POFUT3: variants seen among roughly 807,000 people sequenced by gnomAD.
POFUT3 encodes the protein protein O-fucosyltransferase 3, also known as GDP-fucose protein O-fucosyltransferase 3.
At chr8:33,401,411 C>A in the POFUT3 span, among the ~76,000 whole-genome samples, 40,824 of 151,968 alleles carry the variant, frequency 0.27, 5,738 homozygotes, top group East Asian at 0.47. Flanking sequence ...GGCATTCATA[C>A]TACACCACTG....
the POFUT3 span, among the ~76,000 whole-genome samples, chr8:33,395,533 C>A: frequency 6.6e-6 from 1 of 151,970 alleles, no homozygotes; most frequent in African/African-American, 2.4e-5. Flanking sequence ...GCTCCCCATC[C>A]CACTGAGAGC....
At chr8:33,363,228 A>G in the POFUT3 span, among the ~76,000 whole-genome samples, 1 of 152,252 alleles carries the variant, frequency 6.6e-6, no homozygotes, top group African/African-American at 2.4e-5. Flanking sequence ...CAATGAGAAC[A>G]AAGACACAAC....
At chr8:33,353,509 G>T in the POFUT3 span, among the ~76,000 whole-genome samples, 32 of 152,242 alleles carry the variant, frequency 2.1e-4, no homozygotes, top group African/African-American at 7.7e-4. Context: ...TGCCAAAACA[G>T]ATTCTTTCTC....
the POFUT3 span, among the ~76,000 whole-genome samples, chr8:33,423,809 C>T: frequency 2.9e-5 from 3 of 104,962 alleles, no homozygotes; most frequent in Admixed American, 4.5e-4. Flanking sequence ...TCTCTTTAGG[C>T]ACACCAAGTA....
the POFUT3 span, among the ~76,000 whole-genome samples, chr8:33,341,252 T>C: frequency 6.6e-6 from 1 of 151,780 alleles, no homozygotes; most frequent in Non-Finnish European, 1.5e-5. Context: ...CTAGCCAACA[T>C]AGTGAAACCC....
chr8:33,404,351 AAG>A, the POFUT3 span, among the ~76,000 whole-genome samples: 2,055 of 149,496 alleles, frequency 0.014, 58 homozygotes, highest in African/African-American at 0.048. Flanking sequence ...AAAAAAAAAA[AAG>A]AAAAAGAAAA....
At chr8:33,419,647 A>G in the POFUT3 span, among the ~76,000 whole-genome samples, 1 of 152,178 alleles carries the variant, frequency 6.6e-6, no homozygotes, top group African/African-American at 2.4e-5. Flanking sequence ...TATACATTCT[A>G]TGCATGTAAC....
At chr8:33,340,020 A>G in the POFUT3 span, among the ~76,000 whole-genome samples, 1 of 152,186 alleles carries the variant, frequency 6.6e-6, no homozygotes, top group Non-Finnish European at 1.5e-5. Flanking sequence ...TATTAGTTGA[A>G]GCACATATTA....
chr8:33,308,906 G>C, the POFUT3 span, among the ~76,000 whole-genome samples: 64,383 of 148,106 alleles, frequency 0.43, 15,697 homozygotes, highest in East Asian at 0.8. Context: ...GTGGTGAATC[G>C]TCCATAGTCT....
the POFUT3 span, chr8:33,389,388 C>T: frequency 6.2e-7 from 1 of 1,614,174 alleles, no homozygotes; most frequent in East Asian, 2.2e-5. Context: ...CCATCGGCAT[C>T]CATAGAGGCT....
the POFUT3 span, among the ~76,000 whole-genome samples, chr8:33,382,012 G>A: frequency 9.9e-5 from 15 of 152,086 alleles, 1 homozygote; most frequent in Non-Finnish European, 1.9e-4. Context: ...AAGAAAATAG[G>A]CTGGGCATAG....
At chr8:33,357,518 G>A in the POFUT3 span, among the ~76,000 whole-genome samples, 5 of 150,944 alleles carry the variant, frequency 3.3e-5, no homozygotes, top group East Asian at 3.9e-4. Context: ...ATATGTATGT[G>A]TGTGTGTGTA....
At chr8:33,335,151 A>ATGTGTGTGTG in the POFUT3 span, among the ~76,000 whole-genome samples, 16,683 of 145,740 alleles carry the variant, frequency 0.11, 967 homozygotes, top group East Asian at 0.23. Context: ...AAAGAAATAT[A>ATGTGTGTGTG]TGTGTGTGTG....
At chr8:33,436,655 G>A in the POFUT3 span, 59 of 861,264 alleles carry the variant, frequency 6.9e-5, no homozygotes, top group Non-Finnish European at 8.8e-5. Flanking sequence ...CGAATCTCCC[G>A]CTGTGTAGCC....
At chr8:33,390,759 A>G in the POFUT3 span, among the ~76,000 whole-genome samples, 2 of 152,200 alleles carry the variant, frequency 1.3e-5, no homozygotes, top group African/African-American at 4.8e-5. Flanking sequence ...TAACAAGCTC[A>G]TGGAGAAATA....
the POFUT3 span, among the ~76,000 whole-genome samples, chr8:33,319,358 T>TG: frequency 1.7e-4 from 8 of 46,800 alleles, no homozygotes; most frequent in African/African-American, 7.0e-4. Flanking sequence ...TTTATATATA[T>TG]TTTATATATA....
chr8:33,458,919 T>C, the POFUT3 span, among the ~76,000 whole-genome samples: 1 of 152,254 alleles, frequency 6.6e-6, no homozygotes, highest in African/African-American at 2.4e-5. Flanking sequence ...CAAAGTGCTT[T>C]TATAAGCATT....
chr8:33,331,093 A>G, the POFUT3 span, among the ~76,000 whole-genome samples: 1 of 152,122 alleles, frequency 6.6e-6, no homozygotes, highest in African/African-American at 2.4e-5. Flanking sequence ...TAATCCCAGC[A>G]CTTTGGGATG....
chr8:33,369,804 A>G, the POFUT3 span, among the ~76,000 whole-genome samples: 1 of 152,098 alleles, frequency 6.6e-6, no homozygotes, highest in Non-Finnish European at 1.5e-5. Context: ...TATGTTTCCA[A>G]TCTATTACTA....
Sources: gnomAD v4.1 joint callset for allele counts (sites outside exome capture counted in the v4.1 genomes callset) on GRCh38, gnomAD v4.1.1 for gene constraint, MANE v1.5 for transcripts, NCBI Gene and HGNC (gene_info 2026-07-23, HGNC 2026-07-21) for gene names.